PPARGC1A: variants seen among roughly 807,000 people sequenced by gnomAD.
PPARGC1A encodes PPARG coactivator 1 alpha.
PPARGC1A carries 25 observed loss-of-function variants against 88.7 expected under a neutral mutation model. The observed-to-expected ratio is 0.28, with a 90% CI of 0.21 to 0.39. The LOEUF (loss-of-function observed/expected upper bound fraction) is 0.39. PPARGC1A is among the 10% of genes least tolerant of loss of function. PPARGC1A has a pLI of 1.00. For synonymous variants in PPARGC1A, 363 were observed against 355.6 expected, an observed-to-expected ratio of 1.02 and a Z score of -0.24; for missense variants, 880 against 968.7, an observed-to-expected ratio of 0.91 and a Z score of 1.22.
chr4:23,940,317 C>A, the PPARGC1A span, among the ~76,000 whole-genome samples: 2 of 152,046 alleles, frequency 1.3e-5, no homozygotes, highest in African/African-American at 4.8e-5. Flanking sequence ...CTGTGGAAGA[C>A]GCTACATGGA....
At chr4:24,268,114 T>A in the PPARGC1A span, among the ~76,000 whole-genome samples, 1 of 152,360 alleles carries the variant, frequency 6.6e-6, no homozygotes, top group African/African-American at 2.4e-5. Flanking sequence ...GATCTTGACA[T>A]GTACATGGCA....
chr4:24,292,357 G>C, the PPARGC1A span, among the ~76,000 whole-genome samples: 1 of 151,938 alleles, frequency 6.6e-6, no homozygotes, highest in Non-Finnish European at 1.5e-5. Context: ...CTGGTCTAAA[G>C]AAATTGTCAA....
At chr4:23,854,666 C>T (rs1729868679) in intron 2 of PPARGC1A, among the ~76,000 whole-genome samples, 1 of 149,772 alleles carries the variant, frequency 6.7e-6, no homozygotes, top group Admixed American at 6.7e-5. Context: ...CTGTACTAAA[C>T]TGTTTGGTTC....
At chr4:23,899,540 T>C (rs1719041686), upstream of PPARGC1A, among the ~76,000 whole-genome samples, 1 of 152,172 alleles carries the variant, frequency 6.6e-6, no homozygotes, top group African/African-American at 2.4e-5. Flanking sequence ...AGTATTATGG[T>C]TGTTAGGGAT....
the PPARGC1A span, among the ~76,000 whole-genome samples, chr4:24,375,640 A>G: frequency 6.6e-6 from 1 of 152,124 alleles, no homozygotes; most frequent in East Asian, 1.9e-4. Flanking sequence ...TAGAGCTTAT[A>G]TTATGGTGGG....
At chr4:24,469,720 T>A in the PPARGC1A span, among the ~76,000 whole-genome samples, 1 of 152,190 alleles carries the variant, frequency 6.6e-6, no homozygotes, top group Non-Finnish European at 1.5e-5. Context: ...AGATGTTGCC[T>A]CTTGGGGAAA....
chr4:24,357,375 C>T, the PPARGC1A span, among the ~76,000 whole-genome samples: 1 of 152,206 alleles, frequency 6.6e-6, no homozygotes, highest in African/African-American at 2.4e-5. Context: ...CTCTTACTCC[C>T]CAGATTATAC....
the PPARGC1A span, among the ~76,000 whole-genome samples, chr4:24,311,347 C>T: frequency 2.1e-4 from 32 of 148,958 alleles, no homozygotes; most frequent in African/African-American, 7.1e-4. Flanking sequence ...ATGATCCGCC[C>T]GCCTCTGCCT....
chr4:24,189,836 A>G, the PPARGC1A span, among the ~76,000 whole-genome samples: 22 of 152,188 alleles, frequency 1.4e-4, 1 homozygote, highest in Middle Eastern at 3.4e-3. Flanking sequence ...TCCCCACCAG[A>G]CTGCCCTGAG....
At chr4:23,871,084 G>A (rs1474675631) in intron 2 of PPARGC1A, among the ~76,000 whole-genome samples, 1 of 152,164 alleles carries the variant, frequency 6.6e-6, no homozygotes, top group Non-Finnish European at 1.5e-5. Flanking sequence ...CTTGCACTAT[G>A]TGGGTCCCCA....
chr4:24,189,360 T>C, the PPARGC1A span, among the ~76,000 whole-genome samples: 1 of 152,118 alleles, frequency 6.6e-6, no homozygotes, highest in African/African-American at 2.4e-5. Flanking sequence ...ATCTAAATGA[T>C]TCAGAATGGT....
intron 2 of PPARGC1A, among the ~76,000 whole-genome samples, chr4:23,866,786 C>T: frequency 6.6e-6 from 1 of 151,788 alleles, no homozygotes; most frequent in Middle Eastern, 3.2e-3. Context: ...TTTAGCTTGG[C>T]TTGCTGTAGC....
chr4:24,118,362 C>G, the PPARGC1A span, among the ~76,000 whole-genome samples: 416 of 152,166 alleles, frequency 2.7e-3, 5 homozygotes, highest in East Asian at 0.051. Flanking sequence ...AGAAAAAAAC[C>G]CAAACGTTAG....
the PPARGC1A span, among the ~76,000 whole-genome samples, chr4:24,351,011 C>T: frequency 6.6e-6 from 1 of 151,526 alleles, no homozygotes; most frequent in Non-Finnish European, 1.5e-5. Flanking sequence ...GGGTGGATCA[C>T]TTTGAGCACA....
chr4:24,379,609 T>G, the PPARGC1A span, among the ~76,000 whole-genome samples: 1 of 151,980 alleles, frequency 6.6e-6, no homozygotes, highest in East Asian at 1.9e-4. Flanking sequence ...ACAGGAAAAT[T>G]TTCACAATAT....
At chr4:23,901,851 G>A (rs1365192590), upstream of PPARGC1A, among the ~76,000 whole-genome samples, 1 of 152,008 alleles carries the variant, frequency 6.6e-6, no homozygotes, top group Non-Finnish European at 1.5e-5. Context: ...TGACATAAAG[G>A]ATACATTATA....
the PPARGC1A span, among the ~76,000 whole-genome samples, chr4:24,348,276 A>G: frequency 6.6e-6 from 1 of 152,178 alleles, no homozygotes; most frequent in African/African-American, 2.4e-5. Context: ...CCGGATCACA[A>G]TGTGCCTAGG....
the PPARGC1A span, among the ~76,000 whole-genome samples, chr4:23,930,708 C>G: frequency 6.6e-6 from 1 of 152,080 alleles, no homozygotes; most frequent in Non-Finnish European, 1.5e-5. Context: ...TTTTTTCCTA[C>G]CCAGACTCTC....
chr4:24,260,347 C>A, the PPARGC1A span, among the ~76,000 whole-genome samples: 1 of 152,200 alleles, frequency 6.6e-6, no homozygotes, highest in Admixed American at 6.5e-5. Flanking sequence ...AAGAAAGATG[C>A]CACATCAGCT....
Sources: allele counts gnomAD v4.1 joint callset (sites outside exome capture counted in the v4.1 genomes callset), GRCh38; gene constraint gnomAD v4.1.1; transcripts MANE v1.5; gene names NCBI Gene and HGNC (gene_info 2026-07-23, HGNC 2026-07-21).